PPP1R12A: variants seen among roughly 807,000 people sequenced by gnomAD.
The protein encoded by PPP1R12A is protein phosphatase 1 regulatory subunit 12A.
In PPP1R12A, 19 loss-of-function variants were observed where a neutral mutation model predicts 139.6. That is an observed-to-expected ratio of 0.14 (90% CI 0.09 to 0.20). PPP1R12A has a LOEUF of 0.20. PPP1R12A is among the 10% of genes least tolerant of loss of function. The pLI, the probability that PPP1R12A is intolerant of heterozygous loss-of-function variation, is 1.00. For missense variants in PPP1R12A, 925 were observed against 1,211.5 expected (o/e 0.76, Z 3.51); for synonymous variants, 427 against 420.6 (o/e 1.02, Z -0.19).
intron 1 of PPP1R12A, among the ~76,000 whole-genome samples, chr12:79,874,165 T>G (rs969112584): frequency 2.6e-5 from 4 of 151,518 alleles, no homozygotes; most frequent in African/African-American, 9.7e-5. Context: ...TCCCAGCTAC[T>G]CGGGAGGCTG....
At chr12:79,933,828 G>C (rs1888441107) in intron 1 of PPP1R12A, among the ~76,000 whole-genome samples, 1 of 152,188 alleles carries the variant, frequency 6.6e-6, no homozygotes, top group South Asian at 2.1e-4. Context: ...TTTGAGAAAA[G>C]TTTGTGACCA....
intron 2 of PPP1R12A, among the ~76,000 whole-genome samples, chr12:79,854,607 G>A (rs1460965297): frequency 6.6e-6 from 1 of 152,106 alleles, no homozygotes; most frequent in Non-Finnish European, 1.5e-5. Flanking sequence ...CCCTAACTCT[G>A]ACACATATTT....
intron 1 of PPP1R12A, chr12:79,878,200 G>C (rs1002536282): frequency 7.2e-6 from 1 of 139,498 alleles, no homozygotes; most frequent in Non-Finnish European, 1.5e-5. Context: ...TATACCTCAA[G>C]TTAAAAAGTT....
chr12:79,846,960 C>T (rs6539477), intron 2 of PPP1R12A, among the ~76,000 whole-genome samples: 121,633 of 151,834 alleles, frequency 0.8, 50,654 homozygotes, highest in Non-Finnish European at 0.92. Flanking sequence ...TGGGTCTTTT[C>T]CTTTATGTTC....
At chr12:79,847,818 G>A (rs965149476) in intron 2 of PPP1R12A, among the ~76,000 whole-genome samples, 1 of 152,078 alleles carries the variant, frequency 6.6e-6, no homozygotes. Flanking sequence ...GAGAACAGAA[G>A]GGCAATGTGC....
At chr12:79,816,313 T>C (rs2137096003) in intron 9 of PPP1R12A, among the ~76,000 whole-genome samples, 1 of 152,220 alleles carries the variant, frequency 6.6e-6, no homozygotes, top group African/African-American at 2.4e-5. Flanking sequence ...TGTGATTATT[T>C]TGAGAATGAA....
At chr12:79,884,187 A>G (rs1883897416) in intron 1 of PPP1R12A, among the ~76,000 whole-genome samples, 1 of 152,152 alleles carries the variant, frequency 6.6e-6, no homozygotes. Context: ...ACAAATTGGT[A>G]ATTTTTAAAG....
intron 4 of PPP1R12A, among the ~76,000 whole-genome samples, chr12:79,828,785 A>C (rs1047251726): frequency 6.6e-6 from 1 of 152,108 alleles, no homozygotes; most frequent in Non-Finnish European, 1.5e-5. Context: ...AAAGCCCATA[A>C]TTTTTCAATG....
intron 3 of PPP1R12A, among the ~76,000 whole-genome samples, chr12:79,836,857 C>T (rs1878147310): frequency 6.6e-6 from 1 of 152,170 alleles, no homozygotes; most frequent in Non-Finnish European, 1.5e-5. Flanking sequence ...CCGAGACTGG[C>T]TGGATTTGAA....
intron 9 of PPP1R12A, among the ~76,000 whole-genome samples, chr12:79,814,079 A>G (rs1188163882): frequency 6.6e-6 from 1 of 152,224 alleles, no homozygotes; most frequent in African/African-American, 2.4e-5. Context: ...AGTTACAGAT[A>G]AACTTGAAAA....
chr12:79,934,087 T>C (rs892576242), intron 1 of PPP1R12A, among the ~76,000 whole-genome samples: 1 of 152,114 alleles, frequency 6.6e-6, no homozygotes, highest in African/African-American at 2.4e-5. Context: ...CCGGTGCAGA[T>C]CAGCTAATTA....
At chr12:79,917,283 G>A (rs2136932807) in intron 1 of PPP1R12A, among the ~76,000 whole-genome samples, 1 of 151,924 alleles carries the variant, frequency 6.6e-6, no homozygotes, top group South Asian at 2.1e-4. Context: ...TCACGAGATC[G>A]AGACCAGCCT....
At chr12:79,863,667 AAAAAGAG>A (rs1881624395) in intron 2 of PPP1R12A, among the ~76,000 whole-genome samples, 2 of 141,328 alleles carry the variant, frequency 1.4e-5, no homozygotes, top group South Asian at 4.3e-4. Flanking sequence ...AAAAAAAAAA[AAAAAGAG>A]CAGGGGTTGC....
At chr12:79,919,536 CAG>C (rs1339288987) in intron 1 of PPP1R12A, among the ~76,000 whole-genome samples, 1 of 149,476 alleles carries the variant, frequency 6.7e-6, no homozygotes, top group African/African-American at 2.5e-5. Flanking sequence ...GCCTGGGCAA[CAG>C]AGTGAGACTC....
At chr12:79,856,042 A>C (rs1354838595) in intron 2 of PPP1R12A, among the ~76,000 whole-genome samples, 1 of 152,132 alleles carries the variant, frequency 6.6e-6, no homozygotes, top group Non-Finnish European at 1.5e-5. Flanking sequence ...AGACTTATCA[A>C]TTCTATTCTC....
At chr12:79,904,742 C>G (rs1426658063) in intron 1 of PPP1R12A, among the ~76,000 whole-genome samples, 1 of 152,156 alleles carries the variant, frequency 6.6e-6, no homozygotes, top group Non-Finnish European at 1.5e-5. Context: ...GCAGATTTCA[C>G]TTGCTCCATA....
chr12:79,933,140 G>A (rs1888374450), intron 1 of PPP1R12A, among the ~76,000 whole-genome samples: 1 of 152,186 alleles, frequency 6.6e-6, no homozygotes, highest in Admixed American at 6.5e-5. Context: ...TAAAAAGTTT[G>A]CTATGCATTA....
intron 1 of PPP1R12A, among the ~76,000 whole-genome samples, chr12:79,931,830 T>C (rs1487547973): frequency 3.9e-5 from 6 of 152,126 alleles, no homozygotes; most frequent in Admixed American, 3.9e-4. Context: ...CTCTGGAGAC[T>C]AAGATAGGAA....
chr12:79,824,044 C>T (rs1251963837), intron 5 of PPP1R12A: 1 of 152,158 alleles, frequency 6.6e-6, no homozygotes, highest in Non-Finnish European at 1.5e-5. Context: ...TATCCTTTCC[C>T]ACTCAGTCCA....
Sources: allele counts gnomAD v4.1 joint callset (sites outside exome capture counted in the v4.1 genomes callset), GRCh38; gene constraint gnomAD v4.1.1; transcripts MANE v1.5; gene names NCBI Gene and HGNC (gene_info 2026-07-23, HGNC 2026-07-21).